Variants in PHYHIPL observed in about 807,000 individuals in gnomAD.
The protein encoded by PHYHIPL is phytanoyl-CoA 2-hydroxylase interacting protein like.
Under a neutral mutation model 33.4 loss-of-function variants are expected in PHYHIPL, and 9 were observed. That is an observed-to-expected ratio of 0.27 (90% CI 0.16 to 0.47). The LOEUF is 0.47. PHYHIPL is among the 20% of genes least tolerant of loss of function. The probability of loss-of-function intolerance (pLI) is 0.99; values close to 1 mark genes in which losing one functional copy is unlikely to be tolerated. For missense variants in PHYHIPL, 365 were observed against 460.7 expected (o/e 0.79, Z 1.90); for synonymous variants, 153 against 154.1 (o/e 0.99, Z 0.05).
At chr10:59,204,430 CAG>C (rs1247060293) in intron 1 of PHYHIPL, among the ~76,000 whole-genome samples, 4 of 152,144 alleles carry the variant, frequency 2.6e-5, no homozygotes, top group Admixed American at 2.6e-4. Context: ...TGACTTTTAA[CAG>C]AACCCTTTTT....
intron 1 of PHYHIPL, among the ~76,000 whole-genome samples, chr10:59,186,305 G>A (rs1467115239): frequency 1.3e-5 from 2 of 152,112 alleles, no homozygotes; most frequent in Non-Finnish European, 2.9e-5. Flanking sequence ...TGAGGCCTCT[G>A]TTCTGTTCCA....
chr10:59,243,603 C>T (rs758205412), intron 4 of PHYHIPL, among the ~76,000 whole-genome samples: 14 of 152,054 alleles, frequency 9.2e-5, no homozygotes, highest in Non-Finnish European at 1.9e-4. Context: ...TGGTAGAATT[C>T]GAGACCCATT....
chr10:59,242,017 C>G (rs981514176), intron 4 of PHYHIPL, among the ~76,000 whole-genome samples: 4 of 152,092 alleles, frequency 2.6e-5, no homozygotes, highest in Non-Finnish European at 5.9e-5. Context: ...AGGAAAAAAA[C>G]AAACAAACCG....
At chr10:59,190,799 T>G (rs1838761008) in intron 1 of PHYHIPL, among the ~76,000 whole-genome samples, 1 of 151,862 alleles carries the variant, frequency 6.6e-6, no homozygotes, top group Non-Finnish European at 1.5e-5. Flanking sequence ...TATACCTTGA[T>G]TCAGGACACC....
At chr10:59,216,528 T>A (rs1839617285) in intron 1 of PHYHIPL, among the ~76,000 whole-genome samples, 1 of 152,008 alleles carries the variant, frequency 6.6e-6, no homozygotes, top group Admixed American at 6.6e-5. Flanking sequence ...TGGGAGAAGA[T>A]CAATGTGACC....
At chr10:59,229,499 T>C (rs2133275796) in intron 1 of PHYHIPL, among the ~76,000 whole-genome samples, 1 of 152,182 alleles carries the variant, frequency 6.6e-6, no homozygotes, top group South Asian at 2.1e-4. Flanking sequence ...GTGTGAGTAA[T>C]CTCTACTACG....
intron 1 of PHYHIPL, among the ~76,000 whole-genome samples, chr10:59,188,956 T>G (rs143063350): frequency 6.6e-6 from 1 of 152,222 alleles, no homozygotes; most frequent in Non-Finnish European, 1.5e-5. Flanking sequence ...TAGAAAGAAA[T>G]GCTATATATG....
At chr10:59,198,093 G>A (rs1313538330) in intron 1 of PHYHIPL, among the ~76,000 whole-genome samples, 1 of 151,836 alleles carries the variant, frequency 6.6e-6, no homozygotes, top group African/African-American at 2.4e-5. Flanking sequence ...TAGGGTACAC[G>A]TGCACAACGT....
At chr10:59,227,975 G>GATATAGATATATATATATATATATAT (rs1554799096) in intron 1 of PHYHIPL, among the ~76,000 whole-genome samples, 3 of 145,490 alleles carry the variant, frequency 2.1e-5, no homozygotes, top group Non-Finnish European at 3.0e-5. Context: ...TGCCTATTGA[G>GATATAGATATATATATATATATATAT]ATATATATAT....
chr10:59,235,545 A>G (rs1840203894), intron 2 of PHYHIPL, among the ~76,000 whole-genome samples: 1 of 151,916 alleles, frequency 6.6e-6, no homozygotes, highest in African/African-American at 2.4e-5. Flanking sequence ...AGGATCATAC[A>G]TACTACAGAT....
intron 1 of PHYHIPL, among the ~76,000 whole-genome samples, chr10:59,204,741 A>C (rs1043190267): frequency 6.6e-6 from 1 of 151,834 alleles, no homozygotes; most frequent in Non-Finnish European, 1.5e-5. Context: ...GCTTTTAGTC[A>C]TATCTTTATA....
chr10:59,177,404 T>G (rs989181462), intron 1 of PHYHIPL: 2 of 1,398,322 alleles, frequency 1.4e-6, no homozygotes, highest in African/African-American at 2.9e-5. Context: ...CTTATCATTT[T>G]CTTTTTTAAA....
intron 1 of PHYHIPL, among the ~76,000 whole-genome samples, chr10:59,180,338 A>G (rs1333878271): frequency 1.3e-5 from 1 of 77,522 alleles, no homozygotes; most frequent in African/African-American, 3.3e-5. Flanking sequence ...ATATATATAT[A>G]TATATATATA....
intron 1 of PHYHIPL, among the ~76,000 whole-genome samples, chr10:59,199,677 C>T (rs1190531573): frequency 2.0e-5 from 3 of 152,170 alleles, no homozygotes; most frequent in African/African-American, 4.8e-5. Context: ...ATTGATTCTT[C>T]CTATCCATGA....
At chr10:59,209,371 C>A (rs1324445664) in intron 1 of PHYHIPL, among the ~76,000 whole-genome samples, 2 of 152,104 alleles carry the variant, frequency 1.3e-5, no homozygotes, top group African/African-American at 4.8e-5. Context: ...TACAGAGAAG[C>A]AAATGCTGAG....
chr10:59,238,902 T>C (rs1449564630), intron 4 of PHYHIPL, 197 bp downstream of exon 4: 1 of 476,296 alleles, frequency 2.1e-6, no homozygotes, highest in Non-Finnish European at 3.8e-6. Flanking sequence ...TAGATTCCTT[T>C]CCATAATCAT....
At chr10:59,184,641 AT>A (rs888373932) in intron 1 of PHYHIPL, among the ~76,000 whole-genome samples, 5 of 150,428 alleles carry the variant, frequency 3.3e-5, no homozygotes, top group East Asian at 2.0e-4. Context: ...TTTTTTTTTA[AT>A]TTTTTTTATT....
At chr10:59,199,271 A>G (rs1564705246) in intron 1 of PHYHIPL, among the ~76,000 whole-genome samples, 1 of 152,218 alleles carries the variant, frequency 6.6e-6, no homozygotes, top group Non-Finnish European at 1.5e-5. Flanking sequence ...AGCTTTCTAC[A>G]TATGGCTAGC....
At chr10:59,183,378 A>G (rs1336671833) in intron 1 of PHYHIPL, among the ~76,000 whole-genome samples, 1 of 152,224 alleles carries the variant, frequency 6.6e-6, no homozygotes, top group Non-Finnish European at 1.5e-5. Flanking sequence ...ACATTAAGAG[A>G]ACCCTTAGAA....
Sources: allele counts gnomAD v4.1 joint callset (sites outside exome capture counted in the v4.1 genomes callset), GRCh38; gene constraint gnomAD v4.1.1; transcripts MANE v1.5; gene names NCBI Gene and HGNC (gene_info 2026-07-23, HGNC 2026-07-21).